Variants in HIVEP1 observed in about 807,000 individuals in gnomAD.
The protein encoded by HIVEP1 is HIVEP zinc finger 1, also known as zinc finger protein 40.
A neutral mutation model predicts 180.0 loss-of-function variants in HIVEP1; 36 were observed. The ratio of observed to expected loss-of-function variants is 0.20; its 90% confidence interval spans 0.15 to 0.26. HIVEP1 has a LOEUF of 0.26. Among genes scored for constraint, HIVEP1 ranks in the 10% least tolerant of loss-of-function variants. HIVEP1 has a pLI of 1.00. For synonymous variants in HIVEP1, 1,239 were observed against 1,239.0 expected, an observed-to-expected ratio of 1.00 and a Z score of 0.00; for missense variants, 3,143 against 3,268.7, an observed-to-expected ratio of 0.96 and a Z score of 0.94.
At chr6:12,211,125 C>T in the HIVEP1 span, among the ~76,000 whole-genome samples, 266 of 151,148 alleles carry the variant, frequency 1.8e-3, no homozygotes, top group African/African-American at 6.3e-3. Flanking sequence ...TGAGGCCGGG[C>T]GCGGTGGCTC....
the HIVEP1 span, among the ~76,000 whole-genome samples, chr6:12,186,131 T>G: frequency 6.6e-6 from 1 of 151,916 alleles, no homozygotes; most frequent in Non-Finnish European, 1.5e-5. Context: ...CAAAAGCAAG[T>G]AAAAATCTAA....
intron 5 of HIVEP1, 150 bp downstream of exon 5, chr6:12,130,042 T>A: frequency 3.2e-6 from 2 of 615,964 alleles, no homozygotes; most frequent in East Asian, 5.6e-5. Context: ...GCAAAATATG[T>A]TAACATTATG....
rs1774318226 is a variant in HIVEP1 at position 12,104,538 on chromosome 6, C to T, written c.94+15301C>T. 2.0e-5 allele frequency among the ~76,000 whole-genome samples: 3 copies of T among 150,286 alleles called. No homozygotes were observed. In the South Asian group the frequency reaches 6.4e-4, roughly 32 times the overall value. On this transcript the variant is annotated intron_variant, in intron 3 of 8. Coordinates refer to ENST00000379388, the MANE Select transcript of HIVEP1 (RefSeq NM_002114.4). ...GGCTCAAGCAATCCTCTTGCCTCAGCCTCCCAGGTAGCTGGAACTGAAGGC... is the reference window on the plus strand; with the variant it reads ...GGCTCAAGCAATCCTCTTGCCTCAGTCTCCCAGGTAGCTGGAACTGAAGGC...
At chr6:12,190,800 G>A in the HIVEP1 span, among the ~76,000 whole-genome samples, 4 of 152,198 alleles carry the variant, frequency 2.6e-5, no homozygotes, top group Middle Eastern at 3.4e-3. Context: ...AAGAGTACCC[G>A]ACACATTGCA....
intron 2 of HIVEP1, among the ~76,000 whole-genome samples, chr6:12,051,269 T>A (rs2113718328): frequency 6.6e-6 from 1 of 151,882 alleles, no homozygotes; most frequent in East Asian, 1.9e-4. Flanking sequence ...TCACTGTCAG[T>A]CATTCTTCTC....
intron 2 of HIVEP1, among the ~76,000 whole-genome samples, chr6:12,041,098 T>G (rs184861705): frequency 6.6e-6 from 1 of 152,140 alleles, no homozygotes; most frequent in Non-Finnish European, 1.5e-5. Flanking sequence ...GACAGTTTGC[T>G]CTCTCTCCTG....
chr6:12,110,038 A>G (rs1774784470), intron 3 of HIVEP1, among the ~76,000 whole-genome samples: 1 of 152,230 alleles, frequency 6.6e-6, no homozygotes, highest in East Asian at 1.9e-4. Flanking sequence ...GGTTTATTCA[A>G]TGAGCAGTGA....
chr6:12,036,720 A>C, intron 2 of HIVEP1, among the ~76,000 whole-genome samples: 1 of 152,342 alleles, frequency 6.6e-6, no homozygotes, highest in Non-Finnish European at 1.5e-5. Context: ...CCTGGCTAAC[A>C]TGGGGGAACC....
At chr6:12,067,877 T>C (rs1254397183) in intron 2 of HIVEP1, among the ~76,000 whole-genome samples, 1 of 152,202 alleles carries the variant, frequency 6.6e-6, no homozygotes, top group Admixed American at 6.5e-5. Context: ...TTGGTTTATT[T>C]TGATGATAAT....
intron 3 of HIVEP1, among the ~76,000 whole-genome samples, chr6:12,106,491 A>G (rs1160197530): frequency 6.6e-6 from 1 of 152,086 alleles, no homozygotes; most frequent in East Asian, 1.9e-4. Flanking sequence ...TAATATTTTT[A>G]TTAATATTAG....
At chr6:12,115,991 T>C (rs1392214422) in intron 3 of HIVEP1, among the ~76,000 whole-genome samples, 1 of 151,852 alleles carries the variant, frequency 6.6e-6, no homozygotes, top group Non-Finnish European at 1.5e-5. Flanking sequence ...TAACAACAAA[T>C]TGCCTTTAAA....
downstream of HIVEP1, among the ~76,000 whole-genome samples, chr6:12,169,981 G>C (rs562876237): frequency 3.2e-4 from 49 of 152,108 alleles, no homozygotes; most frequent in Admixed American, 2.9e-3. Context: ...AGTAGCCGGG[G>C]GTGGTGGTGG....
rs1760644297 is a variant in HIVEP1, at chr6:12,164,721, ATATATG to A, written c.*267_*272del. 1 of 240,692 alleles carries A rather than the reference ATATATG, an allele frequency of 4.2e-6. No individual in the cohort carries two copies. Among genetic ancestry groups the A allele is most frequent in the East Asian group, 8.8e-5 (1 of 11,366 alleles). 14.9% of individuals were successfully genotyped at this position (240,692 alleles called of 1,614,324 possible). A position where few individuals can be genotyped will look rare whatever the true frequency, so the allele number is the denominator to read the frequency against. ...ATATCTATATACATAAAAATATATT[ATATATG>A]TATATGAAAACCAGGTAGTTATTTG... is the stretch of plus-strand genomic sequence containing the variant. On this transcript the variant is annotated 3_prime_UTR_variant, in exon 9 of 9. Coordinates refer to ENST00000379388, the MANE Select transcript of HIVEP1 (RefSeq NM_002114.4).
intron 4 of HIVEP1, among the ~76,000 whole-genome samples, chr6:12,128,193 T>G (rs934353814): frequency 3.3e-5 from 5 of 152,176 alleles, no homozygotes; most frequent in Admixed American, 2.0e-4. Context: ...GTTAAAGGGA[T>G]AAAGTCAAAG....
At chr6:12,041,248 T>C (rs1769676236) in intron 2 of HIVEP1, among the ~76,000 whole-genome samples, 1 of 151,856 alleles carries the variant, frequency 6.6e-6, no homozygotes, top group Non-Finnish European at 1.5e-5. Flanking sequence ...GGTGAAACCC[T>C]GTCTCTACTA....
In HIVEP1 at chr6:12,015,136, AT is replaced by A. The variant is rs1767654258; in HGVS notation, c.-103-388del. Reference sequence around the variant, plus strand: ...AGTAGCCACAGTAGCAACCCCTTGTATTAACTGAGTTAACTCTAAAACAAGA... The same window carrying A: ...AGTAGCCACAGTAGCAACCCCTTGTATAACTGAGTTAACTCTAAAACAAGA... On this transcript the variant is annotated intron_variant, in intron 1 of 8. Transcript: ENST00000379388. Among the ~76,000 whole-genome samples the A allele has an allele frequency of 2.6e-5, 4 of 152,356 alleles. No individual in the cohort carries two copies. The South Asian group carries it at 8.3e-4, about 32-fold the overall frequency.
the HIVEP1 span, among the ~76,000 whole-genome samples, chr6:12,211,502 C>T: frequency 6.6e-5 from 4 of 60,296 alleles, no homozygotes; most frequent in Non-Finnish European, 9.5e-5. Context: ...CACACACACC[C>T]ACACAACATA....
At chr6:12,081,596 C>T (rs1365700065) in intron 2 of HIVEP1, among the ~76,000 whole-genome samples, 1 of 152,122 alleles carries the variant, frequency 6.6e-6, no homozygotes, top group African/African-American at 2.4e-5. Flanking sequence ...ACTCTTGATG[C>T]CCTGCTCTGC....
intron 2 of HIVEP1, among the ~76,000 whole-genome samples, chr6:12,060,693 A>G (rs1000633398): frequency 9.9e-5 from 15 of 152,216 alleles, no homozygotes; most frequent in Non-Finnish European, 1.5e-4. Context: ...AATGAAACTC[A>G]GCAAATCATA....
Sources: gnomAD v4.1 joint callset for allele counts (sites outside exome capture counted in the v4.1 genomes callset) on GRCh38, gnomAD v4.1.1 for gene constraint, MANE v1.5 for transcripts, NCBI Gene and HGNC (gene_info 2026-07-23, HGNC 2026-07-21) for gene names.